The following SCAPER variants were observed in gnomAD, a reference collection of about 807,000 sequenced individuals.
The protein encoded by SCAPER is S phase cyclin A-associated protein in the endoplasmic reticulum.
In SCAPER, 98 loss-of-function variants were observed where a neutral mutation model predicts 182.2. The ratio of observed to expected loss-of-function variants is 0.54; its 90% CI spans 0.46 to 0.64. The LOEUF (loss-of-function observed/expected upper bound fraction) is 0.64, where lower values mean the gene tolerates loss of function less well. Ranked by LOEUF, SCAPER falls within the 30% of genes least tolerant of loss-of-function variation. SCAPER has a pLI of 0.00. For missense variants in SCAPER, 1,432 were observed against 1,690.0 expected, an observed-to-expected ratio of 0.85 and a Z score of 2.68; for synonymous variants, 605 against 564.6, an observed-to-expected ratio of 1.07 and a Z score of -1.01.
At chr15:76,782,847 C>T (rs981803441) in intron 8 of SCAPER, among the ~76,000 whole-genome samples, 2 of 152,020 alleles carry the variant, frequency 1.3e-5, no homozygotes, top group Non-Finnish European at 2.9e-5. Flanking sequence ...AACAAAGACA[C>T]GACGTACCAG....
chr15:76,894,960 C>T lies in SCAPER; in HGVS notation c.-60+10339G>A, dbSNP rs184480393. Among the ~76,000 whole-genome samples the T allele has an allele frequency of 2.4e-3, 362 of 152,204 alleles. 1 individual carries two copies. Among genetic ancestry groups the T allele is most frequent in the African/African-American group, 8.2e-3 (340 of 41,540 alleles). ...CTGGCGAATTCTACCAAACATTTAA[C>T]GAAGAATTAATACCAATCCTTCTCA... On this transcript the variant is annotated intron_variant, in intron 1 of 31. Coordinates refer to ENST00000563290, the MANE Select transcript of SCAPER (RefSeq NM_020843.4).
At chr15:76,716,809 T>C (rs1407660492) in intron 17 of SCAPER, among the ~76,000 whole-genome samples, 2 of 151,868 alleles carry the variant, frequency 1.3e-5, no homozygotes, top group Middle Eastern at 6.3e-3. Flanking sequence ...AATATTCACA[T>C]TGTAGGAATC....
chr15:76,405,454 T>G (rs1162335594), intron 26 of SCAPER, among the ~76,000 whole-genome samples: 1 of 152,074 alleles, frequency 6.6e-6, no homozygotes, highest in Non-Finnish European at 1.5e-5. Context: ...AGGTTCTCTG[T>G]TTTTAAAGAC....
chr15:76,715,405 C>A (rs1029019462), intron 17 of SCAPER, among the ~76,000 whole-genome samples: 1 of 151,978 alleles, frequency 6.6e-6, no homozygotes, highest in Non-Finnish European at 1.5e-5. Context: ...AGCTGTGAAA[C>A]CCTGTGTTCT....
At chr15:76,802,448 C>G (rs1173296476) in intron 6 of SCAPER, among the ~76,000 whole-genome samples, 2 of 152,184 alleles carry the variant, frequency 1.3e-5, no homozygotes, top group Non-Finnish European at 2.9e-5. Context: ...GATCCAATCA[C>G]CTATTACCAA....
At chr15:76,823,110 C>G (rs1173215860) in intron 5 of SCAPER, among the ~76,000 whole-genome samples, 1 of 152,162 alleles carries the variant, frequency 6.6e-6, no homozygotes, top group Non-Finnish European at 1.5e-5. Flanking sequence ...TTTGTATTAT[C>G]AGTCACACTC....
intron 17 of SCAPER, among the ~76,000 whole-genome samples, chr15:76,717,076 T>C (rs1339748055): frequency 6.6e-6 from 1 of 150,478 alleles, no homozygotes; most frequent in East Asian, 1.9e-4. Flanking sequence ...CAGAGTATCA[T>C]TGGACTTTTC....
At chr15:76,466,575 T>C (rs977119065) in intron 25 of SCAPER, among the ~76,000 whole-genome samples, 9 of 151,760 alleles carry the variant, frequency 5.9e-5, no homozygotes, top group Non-Finnish European at 8.8e-5. Flanking sequence ...TAGGATTGGT[T>C]TGTGAAGATT....
chr15:76,667,609 G>A (rs187192285), intron 20 of SCAPER, among the ~76,000 whole-genome samples: 38 of 108,986 alleles, frequency 3.5e-4, no homozygotes, highest in African/African-American at 1.2e-3. Context: ...TGGGCAACAA[G>A]AGCGAGACTC....
chr15:76,785,614 C>T (rs2064526711), intron 8 of SCAPER, among the ~76,000 whole-genome samples: 1 of 152,140 alleles, frequency 6.6e-6, no homozygotes, highest in Non-Finnish European at 1.5e-5. Flanking sequence ...ATAGAAAAGA[C>T]TTGGAATCAA....
chr15:76,620,784 A>T (rs1008730953), intron 22 of SCAPER, among the ~76,000 whole-genome samples: 2 of 152,134 alleles, frequency 1.3e-5, no homozygotes, highest in Admixed American at 6.6e-5. Context: ...GTTCTCACTT[A>T]TAAGGGGGAG....
chr15:76,831,604 G>T (rs760939960), intron 5 of SCAPER, among the ~76,000 whole-genome samples: 1 of 148,688 alleles, frequency 6.7e-6, no homozygotes. Flanking sequence ...CTACTGGTGC[G>T]CAATCACCTG....
At chr15:76,546,049 C>T (rs1486323336) in intron 23 of SCAPER, among the ~76,000 whole-genome samples, 1 of 152,046 alleles carries the variant, frequency 6.6e-6, no homozygotes. Flanking sequence ...AGAAGAAACC[C>T]AAAAATAGCT....
At chr15:76,870,222 C>T (rs1026079453) in intron 2 of SCAPER, among the ~76,000 whole-genome samples, 1 of 152,002 alleles carries the variant, frequency 6.6e-6, no homozygotes, top group Admixed American at 6.6e-5. Context: ...CTTTATTATG[C>T]TTTTCAAAAT....
intron 22 of SCAPER, among the ~76,000 whole-genome samples, chr15:76,606,421 A>C (rs1231448478): frequency 6.6e-6 from 1 of 152,152 alleles, no homozygotes; most frequent in Non-Finnish European, 1.5e-5. Flanking sequence ...TTTGCTGAAG[A>C]GTGCTTTACT....
chr15:76,388,081 G>A (rs922124040), intron 27 of SCAPER, among the ~76,000 whole-genome samples: 2 of 152,176 alleles, frequency 1.3e-5, no homozygotes, highest in Non-Finnish European at 2.9e-5. Flanking sequence ...TGGGTGCAGC[G>A]CTAATTCAGC....
intron 14 of SCAPER, among the ~76,000 whole-genome samples, chr15:76,760,128 A>G (rs530202360): frequency 5.9e-5 from 9 of 152,216 alleles, no homozygotes; most frequent in South Asian, 2.1e-4. Flanking sequence ...ATATAATTCA[A>G]TCCAATTCTG....
chr15:76,881,537 A>C (rs374628303), intron 2 of SCAPER, among the ~76,000 whole-genome samples: 41 of 152,334 alleles, frequency 2.7e-4, no homozygotes, highest in East Asian at 1.5e-3. Flanking sequence ...TTATAACAGA[A>C]TATTATTCAG....
chr15:76,472,402 T>G, intron 24 of SCAPER: 1 of 675,168 alleles, frequency 1.5e-6, no homozygotes, highest in Non-Finnish European at 2.7e-6. Context: ...GTACTTCTGG[T>G]GACTGTATAG....
Sources: allele counts gnomAD v4.1 joint callset (sites outside exome capture counted in the v4.1 genomes callset), GRCh38; gene constraint gnomAD v4.1.1; transcripts MANE v1.5; gene names NCBI Gene and HGNC (gene_info 2026-07-23, HGNC 2026-07-21).